LRMDA: variants seen among roughly 807,000 people sequenced by gnomAD.
The protein encoded by LRMDA is leucine-rich melanocyte differentiation-associated protein.
Under a neutral mutation model 29.8 loss-of-function variants are expected in LRMDA, and 18 were observed. The ratio of observed to expected loss-of-function variants is 0.60; its 90% CI spans 0.42 to 0.90. LRMDA has a LOEUF of 0.90. Among genes scored for constraint, LRMDA ranks in the 40% least tolerant of loss-of-function variants. The pLI is 0.00. For missense variants in LRMDA, 273 were observed against 273.9 expected (o/e 1.00, Z 0.02); for synonymous variants, 125 against 109.4 (o/e 1.14, Z -0.89).
chr10:75,995,598 G>C (rs1219760095), intron 2 of LRMDA, among the ~76,000 whole-genome samples: 1 of 152,074 alleles, frequency 6.6e-6, no homozygotes, highest in African/African-American at 2.4e-5. Flanking sequence ...ACTAGCTCTT[G>C]CCATACCTGC....
intron 6 of LRMDA, among the ~76,000 whole-genome samples, chr10:76,468,115 AT>A (rs1396308432): frequency 6.8e-6 from 1 of 147,306 alleles, no homozygotes; most frequent in East Asian, 2.0e-4. Context: ...TAGCAGCAGG[AT>A]TAAATCGCTG....
chr10:76,409,345 C>A (rs1841934420), intron 6 of LRMDA, among the ~76,000 whole-genome samples: 1 of 152,142 alleles, frequency 6.6e-6, no homozygotes, highest in Admixed American at 6.5e-5. Context: ...TTATTTATAT[C>A]CTACTACTCA....
chr10:76,373,914 T>C (rs1841485630), intron 6 of LRMDA, among the ~76,000 whole-genome samples: 2 of 152,180 alleles, frequency 1.3e-5, no homozygotes, highest in Admixed American at 6.5e-5. Flanking sequence ...TCTGGAATCC[T>C]CTCTCCAAAA....
chr10:75,682,477 C>A (rs1842035089), intron 2 of LRMDA, among the ~76,000 whole-genome samples: 1 of 151,592 alleles, frequency 6.6e-6, no homozygotes, highest in African/African-American at 2.4e-5. Context: ...CACTCAATAC[C>A]AATATATACA....
chr10:75,480,557 A>G (rs1844844597), intron 2 of LRMDA, among the ~76,000 whole-genome samples: 1 of 152,266 alleles, frequency 6.6e-6, no homozygotes, highest in African/African-American at 2.4e-5. Context: ...CAGACAATGA[A>G]CAAGTGTATT....
chr10:76,518,010 G>A (rs1843079218), intron 6 of LRMDA, among the ~76,000 whole-genome samples: 1 of 150,490 alleles, frequency 6.6e-6, no homozygotes, highest in Non-Finnish European at 1.5e-5. Flanking sequence ...TACAAATTCC[G>A]AAGTAATATG....
intron 2 of LRMDA, among the ~76,000 whole-genome samples, chr10:75,579,601 T>C (rs1166558596): frequency 2.0e-5 from 3 of 152,116 alleles, no homozygotes; most frequent in Admixed American, 2.0e-4. Context: ...TACCAAAACC[T>C]GGCAGAGACA....
intron 2 of LRMDA, among the ~76,000 whole-genome samples, chr10:75,503,184 G>GTTT (rs577316418): frequency 3.4e-4 from 49 of 144,616 alleles, no homozygotes; most frequent in Admixed American, 9.0e-4. Context: ...TTGATAGCCT[G>GTTT]TTTTTTTTTT....
chr10:76,538,557 C>CATATTTATAT (rs1564570349), intron 6 of LRMDA, among the ~76,000 whole-genome samples: 1 of 122,048 alleles, frequency 8.2e-6, no homozygotes, highest in African/African-American at 3.7e-5. Flanking sequence ...TATATATATA[C>CATATTTATAT]ACACACACAC....
rs1186789624 is a variant in LRMDA at position 75,431,768 on chromosome 10, A to C, written c.30+14A>C. 3 of 1,361,354 alleles carry C rather than the reference A, an allele frequency of 2.2e-6. No homozygotes were observed. Among genetic ancestry groups the C allele is most frequent in the Non-Finnish European group, 2.9e-6 (3 of 1,051,022 alleles). 84.3% of individuals were successfully genotyped at this position (1,361,354 alleles called of 1,614,324 possible). On this transcript the variant is annotated intron_variant, in intron 1 of 6. Transcript: ENST00000611255. ...CGTGGAACTCAAGTAAGTCCCGGCC[A>C]GCCCCGCCTCCGCCCGGGGCGCAGT...
intron 5 of LRMDA, among the ~76,000 whole-genome samples, chr10:76,095,288 A>G (rs1206705254): frequency 6.6e-6 from 1 of 152,198 alleles, no homozygotes; most frequent in Non-Finnish European, 1.5e-5. Flanking sequence ...AGATCTATCT[A>G]TATTGTTGCA....
At chr10:76,107,820 A>G (rs1849512271) in intron 5 of LRMDA, among the ~76,000 whole-genome samples, 1 of 152,142 alleles carries the variant, frequency 6.6e-6, no homozygotes, top group Non-Finnish European at 1.5e-5. Flanking sequence ...TGTTTGTTAC[A>G]TAGGTGTAAA....
chr10:76,236,793 T>C (rs896109564), intron 5 of LRMDA, among the ~76,000 whole-genome samples: 8 of 152,212 alleles, frequency 5.3e-5, no homozygotes, highest in Non-Finnish European at 1.2e-4. Flanking sequence ...CAAAATAAAG[T>C]ACAAAGGGTT....
intron 6 of LRMDA, among the ~76,000 whole-genome samples, chr10:76,367,737 C>T (rs1488378616): frequency 4.6e-5 from 7 of 152,066 alleles, no homozygotes; most frequent in African/African-American, 9.7e-5. Context: ...TGTGAGCCAC[C>T]GCGCCTGGCT....
chr10:75,503,603 C>T (rs951071398), intron 2 of LRMDA, among the ~76,000 whole-genome samples: 1 of 152,010 alleles, frequency 6.6e-6, no homozygotes, highest in African/African-American at 2.4e-5. Context: ...CTTTGTCACC[C>T]TCTGTTACCT....
At chr10:75,635,426 T>A (rs1450435196) in intron 2 of LRMDA, among the ~76,000 whole-genome samples, 1 of 152,158 alleles carries the variant, frequency 6.6e-6, no homozygotes, top group Non-Finnish European at 1.5e-5. Flanking sequence ...AGGCTATTGG[T>A]TGCTGGGTGG....
intron 5 of LRMDA, among the ~76,000 whole-genome samples, chr10:76,115,484 G>T (rs1300761124): frequency 6.6e-6 from 1 of 152,176 alleles, no homozygotes; most frequent in Non-Finnish European, 1.5e-5. Flanking sequence ...CTGCCAGTTG[G>T]CAAAGCAAAA....
At chr10:76,412,332 A>G (rs951844304) in intron 6 of LRMDA, among the ~76,000 whole-genome samples, 10 of 152,168 alleles carry the variant, frequency 6.6e-5, no homozygotes, top group African/African-American at 9.7e-5. Flanking sequence ...TGCCTCCCCA[A>G]AGTATTTCGG....
chr10:76,324,462 C>T lies in LRMDA; in HGVS notation c.578C>T (p.Ser193Phe). The change falls in exon 6 of 7, where the codon TCC becomes TTC. Residue 193 changes from serine (S) to phenylalanine (F), a missense_variant. Ser to Phe is a radical substitution (Grantham distance 155). Coordinates refer to ENST00000611255, the MANE Select transcript of LRMDA (RefSeq NM_001305581.2). Reference protein sequence around the residue: ...ERHYTPLPSASRELTSHQGVL... With the variant: ...ERHYTPLPSAFRELTSHQGVL... ...CACTACACGCCCTTGCCTTCTGCTT[C>T]CAGGGAACTCACCAGTCACCAAGGT... 1 of 1,614,092 alleles carries T rather than the reference C, an allele frequency of 6.2e-7. No individual in the cohort carries two copies. The highest frequency in any genetic ancestry group is 8.5e-7 in the Non-Finnish European group (1 of 1,180,018).
Sources: allele counts gnomAD v4.1 joint callset (sites outside exome capture counted in the v4.1 genomes callset), GRCh38; gene constraint gnomAD v4.1.1; transcripts MANE v1.5; gene names NCBI Gene and HGNC (gene_info 2026-07-23, HGNC 2026-07-21).